The following FSIP2 variants were observed in gnomAD, a reference collection of about 807,000 sequenced individuals.
The protein encoded by FSIP2 is fibrous sheath-interacting protein 2.
FSIP2 carries 367 observed loss-of-function variants against 510.5 expected under a neutral mutation model. The ratio of observed to expected loss-of-function variants is 0.72; its 90% CI spans 0.66 to 0.78. FSIP2 has a LOEUF of 0.78. FSIP2 is among the 30% of genes least tolerant of loss of function. The pLI is 0.00. For synonymous variants in FSIP2, 2,601 were observed against 2,732.2 expected (o/e 0.95, Z 1.50); for missense variants, 7,594 against 7,901.7 (o/e 0.96, Z 1.48).
upstream of FSIP2, chr2:185,738,698 AC>A: frequency 6.5e-7 from 1 of 1,536,056 alleles, no homozygotes; most frequent in Non-Finnish European, 8.7e-7. Context: ...CGGGCGCTCT[AC>A]GCGCTGGCGC....
At position 185,804,385 on chromosome 2, in the gene FSIP2, T is replaced by C; in HGVS notation, c.15079T>C (p.Ser5027Pro). The change falls in exon 17 of 23, where the codon TCA (serine) becomes CCA (proline). Residue 5027 changes from serine (S) to proline (P), a missense_variant. Transcript: ENST00000424728. ...YKEMVQKIVNSVYGKVLDQYK... is the reference protein window; with the variant it reads ...YKEMVQKIVNPVYGKVLDQYK... ...AGAAATGGTTCAAAAAATAGTCAAC[T>C]CAGTATATGGAAAAGTATTAGATCA... is the stretch of plus-strand genomic sequence containing the variant. 6.6e-7 allele frequency: 1 copy of C among 1,504,578 alleles called. No individual in the cohort carries two copies. Among genetic ancestry groups the C allele is most frequent in the Non-Finnish European group, 8.8e-7 (1 of 1,132,052 alleles). 93.2% of individuals were successfully genotyped at this position (1,504,578 alleles called of 1,614,324 possible).
intron 13 of FSIP2, among the ~76,000 whole-genome samples, chr2:185,779,678 T>C (rs892899689): frequency 2.7e-4 from 41 of 151,834 alleles, no homozygotes; most frequent in Non-Finnish European, 8.8e-5. Context: ...TTTCTTATTA[T>C]TGTTTTATAC....
chr2:185,783,309 TTGA>T (rs1692895572), intron 14 of FSIP2, among the ~76,000 whole-genome samples: 1 of 152,202 alleles, frequency 6.6e-6, no homozygotes, highest in African/African-American at 2.4e-5. Flanking sequence ...ACCTATTTTG[TTGA>T]TGTTTATATC....
At chr2:185,738,772 G>C (rs1179500933), upstream of FSIP2, 2 of 1,536,030 alleles carry the variant, frequency 1.3e-6, no homozygotes, top group South Asian at 1.2e-5. Flanking sequence ...CTGGAACGCG[G>C]GGGGCGGGGC....
chr2:185,748,300 T>A (rs1692076613), intron 7 of FSIP2, among the ~76,000 whole-genome samples: 1 of 151,674 alleles, frequency 6.6e-6, no homozygotes, highest in Non-Finnish European at 1.5e-5. Context: ...TCTTCTTTAT[T>A]TTTATTTATT....
At chr2:185,824,866 T>C (rs956334447) in intron 20 of FSIP2, among the ~76,000 whole-genome samples, 1 of 152,012 alleles carries the variant, frequency 6.6e-6, no homozygotes, top group Non-Finnish European at 1.5e-5. Flanking sequence ...TATTCCCTCA[T>C]ATTAAAATCG....
chr2:185,828,863 A>G (rs2193821), intron 21 of FSIP2, among the ~76,000 whole-genome samples: 40,740 of 151,756 alleles, frequency 0.27, 6,184 homozygotes, highest in East Asian at 0.45. Context: ...CCACCCCCAC[A>G]TACAACATAA....
At chr2:185,744,966 GTGTGTGTGTGGGGTGT>G (rs1388171013) in intron 4 of FSIP2, 7 of 77,432 alleles carry the variant, frequency 9.0e-5, no homozygotes, top group Non-Finnish European at 2.1e-4. Context: ...ACTTAAAGGT[GTGTGTGTGTGGGGTGT>G]GTGTGTGTGT....
chr2:185,830,176 A>C (rs979743312), intron 21 of FSIP2, among the ~76,000 whole-genome samples: 1 of 151,948 alleles, frequency 6.6e-6, no homozygotes, highest in African/African-American at 2.4e-5. Context: ...CAGGATTTTG[A>C]AAGGACCAAA....
chr2:185,827,300 T>C (rs1419331360), intron 20 of FSIP2, among the ~76,000 whole-genome samples: 2 of 151,862 alleles, frequency 1.3e-5, no homozygotes, highest in African/African-American at 4.8e-5. Context: ...GGGTACTTTA[T>C]ATAGTTATTG....
rs1693254640 is a variant in FSIP2, at chr2:185,795,765, G to C, written c.8629G>C (p.Glu2877Gln). The C allele has an allele frequency of 1.3e-6, 2 of 1,533,368 alleles. No individual in the cohort carries two copies. The highest frequency in any genetic ancestry group is 4.9e-5 in the East Asian group (2 of 40,800). The allele number at this position is 1,533,368 out of a possible 1,614,324, so 95.0% of individuals were successfully genotyped here. A position where few individuals can be genotyped will look rare whatever the true frequency, so the allele number is the denominator to read the frequency against. Residue 2877 changes from glutamate (E) to glutamine (Q), a missense_variant, in exon 16 of 23, where the codon GAA becomes CAA. Glu to Gln is a conservative substitution (Grantham distance 29). Transcript: ENST00000424728. ...TEISIKAKEL[E>Q]YSLSLLNLPP... ...AATTTCAATAAAAGCAAAAGAATTA[G>C]AATATTCTCTTTCACTTTTAAATTT...
rs768189448 is a variant in FSIP2, at chr2:185,808,143, T to C, written c.18837T>C (p.Asn6279=). ...TTAAAGATTTAATGGGTAAAAGCAATGTCCTCTCTGATACAATAGGCTTTT... is the reference window on the plus strand; with the variant it reads ...TTAAAGATTTAATGGGTAAAAGCAACGTCCTCTCTGATACAATAGGCTTTT... ...SVFKDLMGKS[N]VLSDTIGFLM... The change falls in exon 17 of 23, where the codon AAT becomes AAC. Residue 6279 remains asparagine (N), a synonymous_variant. Transcript: ENST00000424728. The C allele has an allele frequency of 1.2e-6, 2 of 1,609,586 alleles. No homozygotes were observed. Among genetic ancestry groups the C allele is most frequent in the South Asian group, 2.2e-5 (2 of 90,120 alleles).
chr2:185,804,466 G>A lies in FSIP2; in HGVS notation c.15160G>A (p.Gly5054Ser). 6.6e-7 allele frequency: 1 copy of A among 1,514,126 alleles called. No homozygotes were observed. Among genetic ancestry groups the A allele is most frequent in the Non-Finnish European group, 8.8e-7 (1 of 1,133,654 alleles). The allele number at this position is 1,514,126 out of a possible 1,614,324, so 93.8% of individuals were successfully genotyped here. ...TATACAAAGTGACACAATATGTTTT[G>A]GTAGGAAAATATATTATTTGCTATT... ...RVIQSDTICF[G>S]RKIYYLLLEE... The change falls in exon 17 of 23, where the codon GGT becomes AGT. Residue 5054 changes from glycine (G) to serine (S), a missense_variant. By Grantham distance (56) the Gly-to-Ser change is moderately conservative. Coordinates refer to ENST00000424728, the MANE Select transcript of FSIP2 (RefSeq NM_173651.4).
chr2:185,811,237 T>A (rs1334105345), intron 17 of FSIP2, among the ~76,000 whole-genome samples: 2 of 152,022 alleles, frequency 1.3e-5, no homozygotes, highest in African/African-American at 4.8e-5. Flanking sequence ...GAGGCCAAGA[T>A]GGGTGGGTCA....
chr2:185,781,480 C>T (rs2105594015), intron 13 of FSIP2, among the ~76,000 whole-genome samples: 1 of 152,254 alleles, frequency 6.6e-6, no homozygotes, highest in Non-Finnish European at 1.5e-5. Context: ...AGTCAAGAAG[C>T]ATCTGTATAT....
chr2:185,809,001 C>A lies in FSIP2; in HGVS notation c.19695C>A (p.Ser6565Arg). Residue 6565 changes from serine (S) to arginine (R), a missense_variant, in exon 17 of 23, where the codon AGC (serine) becomes AGA (arginine). Coordinates refer to ENST00000424728, the MANE Select transcript of FSIP2 (RefSeq NM_173651.4). ...KQECLKRTGH[S>R]IAELRRASIS... ...AGTGTTTGAAAAGAACTGGACATAG[C>A]ATAGCAGAACTGAGAAGAGCATCAA... The A allele has an allele frequency of 6.2e-7, 1 of 1,612,778 alleles. No homozygotes were observed.
In FSIP2 at chr2:185,806,599, C is replaced by T. The variant is rs1191905506; in HGVS notation, c.17293C>T (p.Pro5765Ser). 6.2e-7 allele frequency: 1 copy of T among 1,607,618 alleles called. No individual in the cohort carries two copies. The highest frequency in any genetic ancestry group is 8.5e-7 in the Non-Finnish European group (1 of 1,177,760). ...AGTAAGAGAGGAGATTAAAAGTGAA[C>T]CCAGTAAACCAGATGATCCTCAAAA... ...EKVREEIKSE[P>S]SKPDDPQNQR... The change falls in exon 17 of 23, where the codon CCC becomes TCC. Residue 5765 changes from proline to serine, a missense_variant. Physicochemically the swap from Pro to Ser is moderately conservative, Grantham distance 74 (BLOSUM62 -1). Transcript: ENST00000424728.
At position 185,815,459 on chromosome 2, in the gene FSIP2, T is replaced by C; in HGVS notation, c.20414T>C (p.Ile6805Thr). Reference sequence around the variant, plus strand: ...TCTTCATACAACCAAGAAGATCTCATTTCATCTACTGGGTATATGAAATTA... The same window carrying C: ...TCTTCATACAACCAAGAAGATCTCACTTCATCTACTGGGTATATGAAATTA... Reference protein sequence around the residue: ...SSSSYNQEDLISSTGEAEDCH... With the variant: ...SSSSYNQEDLTSSTGEAEDCH... Residue 6805 changes from isoleucine (I) to threonine (T), a missense_variant, in exon 19 of 23, where the codon ATT becomes ACT. Physicochemically the swap from Ile to Thr is moderately conservative, Grantham distance 89. Transcript: ENST00000424728. 7.4e-7 allele frequency: 1 copy of C among 1,360,280 alleles called. No homozygotes were observed. Among genetic ancestry groups the C allele is most frequent in the Non-Finnish European group, 1.0e-6 (1 of 966,860 alleles). The allele number at this position is 1,360,280 out of a possible 1,614,324, so 84.3% of individuals were successfully genotyped here.
chr2:185,745,240 G>A (rs1188597011), intron 4 of FSIP2, among the ~76,000 whole-genome samples, 189 bp from the exon 5 acceptor site: 2 of 151,868 alleles, frequency 1.3e-5, no homozygotes, highest in Non-Finnish European at 2.9e-5. Flanking sequence ...AAACTGAAAT[G>A]TTTACCTTTT....
Sources: allele counts gnomAD v4.1 joint callset (sites outside exome capture counted in the v4.1 genomes callset), GRCh38; gene constraint gnomAD v4.1.1; transcripts MANE v1.5; gene names NCBI Gene and HGNC (gene_info 2026-07-23, HGNC 2026-07-21).